SLC24A2: variants seen among roughly 807,000 people sequenced by gnomAD.
The protein encoded by SLC24A2 is solute carrier family 24 member 2.
Under a neutral mutation model 62.0 loss-of-function variants are expected in SLC24A2, and 36 were observed. That is an observed-to-expected ratio of 0.58 (90% confidence interval 0.44 to 0.77). The LOEUF is 0.77. Ranked by LOEUF, SLC24A2 falls within the 30% of genes least tolerant of loss-of-function variation. The probability of loss-of-function intolerance (pLI) is 0.00; values close to 1 mark genes in which losing one functional copy is unlikely to be tolerated. For synonymous variants in SLC24A2, 358 were observed against 294.0 expected, an observed-to-expected ratio of 1.22 and a Z score of -2.23; for missense variants, 846 against 817.9, an observed-to-expected ratio of 1.03 and a Z score of -0.42.
chr9:19,913,956 T>G, the SLC24A2 span, among the ~76,000 whole-genome samples: 1 of 152,200 alleles, frequency 6.6e-6, no homozygotes, highest in South Asian at 2.1e-4. Context: ...TTCCTCACTA[T>G]GCCAGCTCCT....
chr9:20,143,003 GAT>G, the SLC24A2 span, among the ~76,000 whole-genome samples: 2 of 152,188 alleles, frequency 1.3e-5, no homozygotes, highest in Admixed American at 1.3e-4. Context: ...CTGTGAAACA[GAT>G]ATGACTATAC....
chr9:20,146,719 A>C, the SLC24A2 span, among the ~76,000 whole-genome samples: 1 of 151,832 alleles, frequency 6.6e-6, no homozygotes, highest in African/African-American at 2.4e-5. Flanking sequence ...TCAACACCTC[A>C]CCTCCATTCT....
intron 2 of SLC24A2, among the ~76,000 whole-genome samples, chr9:19,639,361 G>A (rs918523670): frequency 2.9e-4 from 44 of 152,120 alleles, no homozygotes; most frequent in Middle Eastern, 3.2e-3. Context: ...CCTTGTTTTG[G>A]ATTAATCTTG....
intron 2 of SLC24A2, among the ~76,000 whole-genome samples, chr9:19,623,921 T>C (rs1342970885): frequency 3.3e-5 from 5 of 152,148 alleles, no homozygotes; most frequent in Admixed American, 3.3e-4. Context: ...GCCTTAACCC[T>C]TGGGTTGGGG....
intron 4 of SLC24A2, among the ~76,000 whole-genome samples, chr9:19,612,902 G>C (rs1198438097): frequency 6.6e-6 from 1 of 152,172 alleles, no homozygotes; most frequent in Non-Finnish European, 1.5e-5. Context: ...TCATGTATGG[G>C]ATCTTCTGTG....
At chr9:19,557,793 T>G (rs917821702) in intron 7 of SLC24A2, among the ~76,000 whole-genome samples, 2 of 151,608 alleles carry the variant, frequency 1.3e-5, no homozygotes, top group African/African-American at 4.9e-5. Context: ...TAATTTCTAA[T>G]GGTCTAAATG....
At chr9:20,047,907 G>T in the SLC24A2 span, among the ~76,000 whole-genome samples, 125 of 152,068 alleles carry the variant, frequency 8.2e-4, no homozygotes, top group Middle Eastern at 3.4e-3. Context: ...ATAACAGTTA[G>T]TAGTAGATAG....
At chr9:20,003,241 G>A in the SLC24A2 span, among the ~76,000 whole-genome samples, 11 of 152,132 alleles carry the variant, frequency 7.2e-5, no homozygotes, top group African/African-American at 2.7e-4. Flanking sequence ...CTATGCCCAT[G>A]ACCACAGGCA....
At chr9:19,926,250 CTT>C in the SLC24A2 span, 1 of 152,264 alleles carries the variant, frequency 6.6e-6, no homozygotes, top group African/African-American at 2.4e-5. Context: ...GCTGTTGTCT[CTT>C]TTTCTTCCTG....
At chr9:20,248,250 A>G in the SLC24A2 span, among the ~76,000 whole-genome samples, 50 of 152,336 alleles carry the variant, frequency 3.3e-4, 2 homozygotes, top group East Asian at 8.3e-3. Flanking sequence ...GATCTCCAAC[A>G]TGGATTTTAT....
intron 2 of SLC24A2, among the ~76,000 whole-genome samples, chr9:19,665,770 A>G (rs1819234456): frequency 6.6e-6 from 1 of 151,996 alleles, no homozygotes; most frequent in Non-Finnish European, 1.5e-5. Flanking sequence ...ACGCGCCACC[A>G]TGCCTGGTTA....
In SLC24A2 at chr9:19,632,957, T is replaced by C. The variant is rs936888598; in HGVS notation, c.931-10658A>G. On this transcript the variant is annotated intron_variant, in intron 2 of 10. Coordinates refer to ENST00000341998, the MANE Select transcript of SLC24A2 (RefSeq NM_020344.4). The surrounding 1 kb of genome is among the most constrained non-coding windows in gnomAD (Gnocchi z 4.5). ...ACAAGACTCCCTTGTGCTATCCCTT[T>C]AGGTCTACACCCATTCCCACACCTG... Among the ~76,000 whole-genome samples the C allele has an allele frequency of 1.3e-5, 2 of 152,184 alleles. No individual in the cohort carries two copies. The highest frequency in any genetic ancestry group is 2.9e-5 in the Non-Finnish European group (2 of 68,032).
At chr9:19,833,005 G>C in the SLC24A2 span, among the ~76,000 whole-genome samples, 2 of 152,108 alleles carry the variant, frequency 1.3e-5, no homozygotes, top group African/African-American at 4.8e-5. Flanking sequence ...CATCATCACT[G>C]GCCATCAGAA....
chr9:20,094,205 C>T, the SLC24A2 span, among the ~76,000 whole-genome samples: 1 of 152,140 alleles, frequency 6.6e-6, no homozygotes, highest in Non-Finnish European at 1.5e-5. Context: ...GGCACTTCTG[C>T]ATCACATCAC....
intron 2 of SLC24A2, among the ~76,000 whole-genome samples, chr9:19,733,973 G>A (rs917926011): frequency 6.6e-6 from 1 of 152,142 alleles, no homozygotes; most frequent in Non-Finnish European, 1.5e-5. Flanking sequence ...AGAAAGGGGT[G>A]GGGTGAGGTT....
At chr9:19,706,758 G>C (rs1820536956) in intron 2 of SLC24A2, among the ~76,000 whole-genome samples, 1 of 152,186 alleles carries the variant, frequency 6.6e-6, no homozygotes, top group Non-Finnish European at 1.5e-5. Context: ...TCAAAGCAGT[G>C]TGTAGAGGGA....
the SLC24A2 span, among the ~76,000 whole-genome samples, chr9:19,976,005 C>G: frequency 6.6e-6 from 1 of 152,182 alleles, no homozygotes; most frequent in Non-Finnish European, 1.5e-5. Flanking sequence ...TCCTCCCAAG[C>G]AGCTGGAACC....
the SLC24A2 span, among the ~76,000 whole-genome samples, chr9:20,049,290 T>C: frequency 6.6e-6 from 1 of 152,212 alleles, no homozygotes; most frequent in Admixed American, 6.5e-5. Flanking sequence ...TGAACACCTA[T>C]GAAAATGTCC....
At chr9:19,837,178 T>C in the SLC24A2 span, among the ~76,000 whole-genome samples, 105,643 of 151,788 alleles carry the variant, frequency 0.7, 41,151 homozygotes, top group Non-Finnish European at 0.88. Context: ...AAGGGCCGGG[T>C]GCGGTGGCTC....
Sources: gnomAD v4.1 joint callset for allele counts (sites outside exome capture counted in the v4.1 genomes callset) on GRCh38, gnomAD v4.1.1 for gene constraint, Gnocchi (gnomAD v3.1) non-coding constraint, MANE v1.5 for transcripts, NCBI Gene and HGNC (gene_info 2026-07-23, HGNC 2026-07-21) for gene names.